The following MERTK variants were observed in gnomAD, a reference collection of about 807,000 sequenced individuals.
MERTK encodes the protein MER proto-oncogene, tyrosine kinase, also known as tyrosine-protein kinase Mer.
In MERTK, 69 loss-of-function variants were observed where a neutral mutation model predicts 99.3. The observed-to-expected ratio is 0.70, with a 90% CI of 0.57 to 0.85. MERTK has a LOEUF of 0.85. Ranked by LOEUF, MERTK falls within the 40% of genes least tolerant of loss-of-function variation. MERTK has a pLI of 0.00. For missense variants in MERTK, 1,125 were observed against 1,249.4 expected (o/e 0.90, Z 1.50); for synonymous variants, 426 against 467.6 (o/e 0.91, Z 1.15).
chr2:111,910,608 G>GTGTGTGTGTGTGTGTA (rs1684226555), intron 1 of MERTK, among the ~76,000 whole-genome samples: 1 of 127,792 alleles, frequency 7.8e-6, no homozygotes, highest in South Asian at 2.5e-4. Context: ...GTGTGTGTGT[G>GTGTGTGTGTGTGTGTA]TGTATATATA....
At chr2:111,923,882 A>G (rs1418068734) in intron 1 of MERTK, among the ~76,000 whole-genome samples, 1 of 152,240 alleles carries the variant, frequency 6.6e-6, no homozygotes, top group Non-Finnish European at 1.5e-5. Context: ...AACTTAAAAT[A>G]TAATTTCTAA....
intron 8 of MERTK, among the ~76,000 whole-genome samples, chr2:111,984,632 TAGCAGG>T (rs1435532990): frequency 1.7e-4 from 26 of 152,280 alleles, no homozygotes; most frequent in African/African-American, 6.0e-4. Flanking sequence ...AATTTGTTGA[TAGCAGG>T]GGAGCCAATG....
chr2:111,898,749 C>T lies in MERTK; in HGVS notation c.14C>T (p.Pro5Leu), dbSNP rs766821604. MGPAPLPLLLGLFLP... is the reference protein window; with the variant it reads MGPALLPLLLGLFLP... ...CGCAGCCCCGGGATGGGGCCGGCCC[C>T]GCTGCCGCTGCTGCTGGGCCTCTTC... is the stretch of plus-strand genomic sequence containing the variant. The change falls in exon 1 of 19, where the codon CCG (proline) becomes CTG (leucine). Residue 5 changes from proline to leucine, a missense_variant. Coordinates refer to ENST00000295408, the MANE Select transcript of MERTK (RefSeq NM_006343.3). The T allele has an allele frequency of 1.2e-5, 20 of 1,606,020 alleles. No homozygotes were observed. Among genetic ancestry groups the T allele is most frequent in the African/African-American group, 9.4e-5 (7 of 74,838 alleles).
chr2:111,927,794 G>A (rs1208520623), intron 1 of MERTK, among the ~76,000 whole-genome samples: 1 of 152,168 alleles, frequency 6.6e-6, no homozygotes, highest in East Asian at 1.9e-4. Context: ...CACACACTCA[G>A]GAGCCCAGGA....
chr2:112,012,811 G>T (rs965305789), intron 15 of MERTK, among the ~76,000 whole-genome samples: 1 of 152,166 alleles, frequency 6.6e-6, no homozygotes, highest in African/African-American at 2.4e-5. Context: ...CCTTCATGGG[G>T]GAAGTCGGCT....
intron 15 of MERTK, among the ~76,000 whole-genome samples, chr2:112,016,911 G>T (rs1473248863): frequency 1.3e-5 from 2 of 152,200 alleles, no homozygotes; most frequent in Non-Finnish European, 2.9e-5. Flanking sequence ...CCTTCTGGTG[G>T]GTTCTTGGTC....
intron 15 of MERTK, among the ~76,000 whole-genome samples, chr2:112,017,874 A>G (rs1037478958): frequency 1.3e-5 from 2 of 152,214 alleles, no homozygotes; most frequent in African/African-American, 4.8e-5. Flanking sequence ...AGGTTCTACA[A>G]CAAGTAGAAT....
chr2:111,921,845 G>A (rs1488635098), intron 1 of MERTK, among the ~76,000 whole-genome samples: 2 of 151,950 alleles, frequency 1.3e-5, no homozygotes, highest in African/African-American at 4.8e-5. Context: ...CTCCCGCTTC[G>A]GCCTCCCAAA....
At chr2:111,963,033 G>A (rs1558787979) in intron 4 of MERTK, among the ~76,000 whole-genome samples, 1 of 152,176 alleles carries the variant, frequency 6.6e-6, no homozygotes, top group Non-Finnish European at 1.5e-5. Context: ...ATTCTTGGGT[G>A]TTTCTCGGAG....
At position 111,901,273 on chromosome 2, in the gene MERTK, C is replaced by T. The variant is rs190327905; in HGVS notation, c.61+2477C>T. Among the ~76,000 whole-genome samples the T allele has an allele frequency of 2.7e-4, 41 of 152,238 alleles. 1 individual carries two copies. The highest frequency in any genetic ancestry group is 1.9e-3 in the East Asian group (10 of 5,184). ...TGCATTATGAGGACTTAGCTCATGA[C>T]GAGGCTGTGTGTGCAGCTAAACTCA... is the stretch of plus-strand genomic sequence containing the variant. On this transcript the variant is annotated intron_variant, in intron 1 of 18. Transcript: ENST00000295408.
At chr2:111,968,480 C>T (rs1049112571) in intron 6 of MERTK, among the ~76,000 whole-genome samples, 2 of 152,036 alleles carry the variant, frequency 1.3e-5, no homozygotes, top group East Asian at 3.9e-4. Context: ...AGAAGCAAAA[C>T]GTGTTTCCAA....
rs141641623 is a variant in MERTK, at chr2:111,994,247, C to T, written c.1297-4C>T. 3 of 1,613,740 alleles carry T rather than the reference C, an allele frequency of 1.9e-6. No individual in the cohort carries two copies. Among genetic ancestry groups the T allele is most frequent in the African/African-American group, 2.7e-5 (2 of 75,016 alleles). ...TCATTTCCTCTCTTCCTCTCTGTCTCCAGAAAGAGCTCTTGGAGGAAGTTG... is the reference window on the plus strand; with the variant it reads ...TCATTTCCTCTCTTCCTCTCTGTCTTCAGAAAGAGCTCTTGGAGGAAGTTG... On this transcript the variant is annotated splice_polypyrimidine_tract_variant and splice_region_variant and intron_variant, in intron 8 of 18. Coordinates refer to ENST00000295408, the MANE Select transcript of MERTK (RefSeq NM_006343.3).
intron 14 of MERTK, 34 bp downstream of exon 14, chr2:112,008,509 G>A: frequency 6.6e-7 from 1 of 1,522,844 alleles, no homozygotes; most frequent in Non-Finnish European, 9.1e-7. Flanking sequence ...GGGTGGCCAA[G>A]AGGGCTCTGC....
intron 15 of MERTK, among the ~76,000 whole-genome samples, chr2:112,015,638 C>T (rs1677202324): frequency 6.6e-6 from 1 of 151,860 alleles, no homozygotes; most frequent in African/African-American, 2.4e-5. Context: ...CTTGTCATTG[C>T]ATTCTCTTAA....
At chr2:112,017,993 T>TG (rs1390721932) in intron 15 of MERTK, among the ~76,000 whole-genome samples, 1 of 152,082 alleles carries the variant, frequency 6.6e-6, no homozygotes, top group Non-Finnish European at 1.5e-5. Context: ...GTTGGCTAGG[T>TG]GGGTGCTTGA....
Position 111,947,284 on chromosome 2 carries a change from C to T in MERTK, c.584-110C>T, listed in dbSNP as rs771296735. The T allele has an allele frequency of 7.5e-5, 53 of 710,914 alleles. 2 individuals carry two copies. The highest frequency in any genetic ancestry group is 1.1e-4 in the Non-Finnish European group (48 of 425,192). The allele number at this position is 710,914 out of a possible 1,614,324, so 44.0% of individuals were successfully genotyped here. ...CAAGACTCCATCCCCACCCGCCCCC[C>T]ACAAAAAAAGAAATCTATTGCCAAG... On this transcript the variant is annotated intron_variant, in intron 3 of 18. Transcript: ENST00000295408.
At chr2:111,936,066 G>A (rs1051536135) in intron 2 of MERTK, among the ~76,000 whole-genome samples, 6 of 151,944 alleles carry the variant, frequency 3.9e-5, no homozygotes, top group East Asian at 1.9e-4. Flanking sequence ...ACAGGCGCCC[G>A]CCACCATGCC....
At chr2:111,988,154 GC>G (rs1457882856) in intron 8 of MERTK, among the ~76,000 whole-genome samples, 1 of 152,068 alleles carries the variant, frequency 6.6e-6, no homozygotes, top group Non-Finnish European at 1.5e-5. Context: ...CTCCTAACAA[GC>G]TCCCCTAATG....
At chr2:111,932,168 G>T (rs1558776677) in intron 2 of MERTK, among the ~76,000 whole-genome samples, 1 of 152,114 alleles carries the variant, frequency 6.6e-6, no homozygotes, top group African/African-American at 2.4e-5. Context: ...TTAGCGATCA[G>T]AATTTTTGCA....
Sources: gnomAD v4.1 joint callset for allele counts (sites outside exome capture counted in the v4.1 genomes callset) on GRCh38, gnomAD v4.1.1 for gene constraint, MANE v1.5 for transcripts, NCBI Gene and HGNC (gene_info 2026-07-23, HGNC 2026-07-21) for gene names.